SLC35F1: variants seen among roughly 807,000 people sequenced by gnomAD.
SLC35F1 encodes chromosome 6 open reading frame 169.
In SLC35F1, 14 loss-of-function variants were observed where a neutral mutation model predicts 48.7. The ratio of observed to expected loss-of-function variants is 0.29; its 90% confidence interval spans 0.19 to 0.45. SLC35F1 has a LOEUF of 0.45. Among genes scored for constraint, SLC35F1 ranks in the 20% least tolerant of loss-of-function variants. SLC35F1 has a pLI of 1.00. For synonymous variants in SLC35F1, 190 were observed against 202.2 expected (o/e 0.94, Z 0.51); for missense variants, 404 against 500.0 (o/e 0.81, Z 1.83).
chr6:117,962,921 T>C (rs764361018), intron 1 of SLC35F1, among the ~76,000 whole-genome samples: 5 of 152,178 alleles, frequency 3.3e-5, no homozygotes, highest in South Asian at 2.1e-4. Flanking sequence ...ACCTGAGACA[T>C]TGGGGCTCAG....
intron 1 of SLC35F1, among the ~76,000 whole-genome samples, chr6:117,953,872 A>G (rs577985051): frequency 1.3e-5 from 2 of 152,136 alleles, no homozygotes; most frequent in Non-Finnish European, 2.9e-5. Context: ...TAAAACTGGG[A>G]TCATTTTGAG....
At chr6:118,053,726 T>C (rs1011265953) in intron 1 of SLC35F1, among the ~76,000 whole-genome samples, 2 of 152,182 alleles carry the variant, frequency 1.3e-5, no homozygotes, top group Non-Finnish European at 2.9e-5. Context: ...TACTTAAACA[T>C]TTCCCTCTTT....
intron 1 of SLC35F1, among the ~76,000 whole-genome samples, chr6:118,102,366 T>A (rs1047509185): frequency 6.6e-6 from 1 of 152,174 alleles, no homozygotes; most frequent in African/African-American, 2.4e-5. Context: ...AAATTTTTTT[T>A]AGAGACAGGT....
intron 2 of SLC35F1, among the ~76,000 whole-genome samples, chr6:118,224,185 A>T (rs1160502285): frequency 6.6e-6 from 1 of 152,180 alleles, no homozygotes; most frequent in Non-Finnish European, 1.5e-5. Flanking sequence ...GCTTTGAAAA[A>T]TTTCAAATCA....
intron 7 of SLC35F1, among the ~76,000 whole-genome samples, chr6:118,304,678 G>A (rs1472811590): frequency 6.6e-6 from 1 of 152,218 alleles, no homozygotes; most frequent in East Asian, 1.9e-4. Context: ...ACTGACATTT[G>A]TTTAACATTT....
chr6:117,943,317 A>G (rs72957824), intron 1 of SLC35F1, among the ~76,000 whole-genome samples: 5,955 of 152,296 alleles, frequency 0.039, 177 homozygotes, highest in Non-Finnish European at 0.057. Flanking sequence ...AAGGTCTCCA[A>G]TGAAGCCCTA....
chr6:118,116,844 A>G (rs987920376), intron 1 of SLC35F1, among the ~76,000 whole-genome samples: 4 of 152,196 alleles, frequency 2.6e-5, no homozygotes, highest in Non-Finnish European at 5.9e-5. Context: ...ATTTAATCAA[A>G]TAATAGAAGC....
chr6:118,059,548 A>T (rs1772507722), intron 1 of SLC35F1, among the ~76,000 whole-genome samples: 1 of 152,196 alleles, frequency 6.6e-6, no homozygotes, highest in Non-Finnish European at 1.5e-5. Context: ...AGTGGCTTAC[A>T]ATAACCATGT....
At chr6:117,954,687 T>A (rs1389715612) in intron 1 of SLC35F1, among the ~76,000 whole-genome samples, 1 of 152,244 alleles carries the variant, frequency 6.6e-6, no homozygotes, top group African/African-American at 2.4e-5. Flanking sequence ...TTTGTTCTAC[T>A]GCATCCTAAC....
At chr6:118,088,395 G>A (rs1773022726) in intron 1 of SLC35F1, among the ~76,000 whole-genome samples, 1 of 152,082 alleles carries the variant, frequency 6.6e-6, no homozygotes, top group African/African-American at 2.4e-5. Flanking sequence ...AGGTATGCAG[G>A]GTTGCCATCT....
intron 2 of SLC35F1, among the ~76,000 whole-genome samples, chr6:118,233,465 T>C (rs1268019769): frequency 1.3e-5 from 2 of 152,226 alleles, no homozygotes; most frequent in Admixed American, 6.5e-5. Context: ...AGCCTTCTCA[T>C]GTGCAAAACC....
intron 1 of SLC35F1, among the ~76,000 whole-genome samples, chr6:117,914,439 G>A (rs1305336697): frequency 1.3e-5 from 2 of 152,176 alleles, no homozygotes; most frequent in African/African-American, 4.8e-5. Context: ...GCTACAATTT[G>A]TGATCATATC....
At chr6:117,920,831 A>G (rs900615684) in intron 1 of SLC35F1, among the ~76,000 whole-genome samples, 1 of 152,146 alleles carries the variant, frequency 6.6e-6, no homozygotes, top group African/African-American at 2.4e-5. Context: ...ATAAGTTCCC[A>G]GATAAAATAG....
rs1776435747 is a variant in SLC35F1 at position 118,316,217 on chromosome 6, C to T, written c.*1965C>T. ...CTTCTATAACGGGTAAGTGGACCTA[C>T]CCTTGGAGATAGAGAAGAAAAATTA... On this transcript the variant is annotated 3_prime_UTR_variant, in exon 8 of 8. Transcript: ENST00000360388. 1 of 152,214 alleles carries T rather than the reference C, an allele frequency of 6.6e-6. No homozygotes were observed. Among genetic ancestry groups the T allele is most frequent in the African/African-American group, 2.4e-5 (1 of 41,436 alleles). The allele number at this position is 152,214 out of a possible 1,614,324, so 9.4% of individuals were successfully genotyped here.
At chr6:117,921,583 A>C (rs1464285402) in intron 1 of SLC35F1, among the ~76,000 whole-genome samples, 4 of 152,206 alleles carry the variant, frequency 2.6e-5, no homozygotes, top group Non-Finnish European at 5.9e-5. Context: ...TTTTGGATTC[A>C]CCTTCCTTAG....
chr6:118,136,350 A>G (rs1773795007), intron 1 of SLC35F1, among the ~76,000 whole-genome samples: 1 of 152,248 alleles, frequency 6.6e-6, no homozygotes. Flanking sequence ...TTGTCCCTAC[A>G]GTGCTGAAAC....
At chr6:118,182,908 A>G (rs1192501011) in intron 2 of SLC35F1, among the ~76,000 whole-genome samples, 2 of 152,154 alleles carry the variant, frequency 1.3e-5, no homozygotes, top group South Asian at 2.1e-4. Flanking sequence ...TGTTTTCAAA[A>G]CCAAATTTAA....
chr6:118,306,932 G>A (rs1461863803), intron 7 of SLC35F1, among the ~76,000 whole-genome samples: 1 of 152,194 alleles, frequency 6.6e-6, no homozygotes, highest in Non-Finnish European at 1.5e-5. Flanking sequence ...ATTGGCCTTA[G>A]ATGTGATTGG....
chr6:118,211,670 A>G (rs1326970329), intron 2 of SLC35F1, among the ~76,000 whole-genome samples: 2 of 152,236 alleles, frequency 1.3e-5, no homozygotes, highest in African/African-American at 2.4e-5. Context: ...CATGCTGACT[A>G]TAGCATTTTA....
Sources: gnomAD v4.1 joint callset for allele counts (sites outside exome capture counted in the v4.1 genomes callset) on GRCh38, gnomAD v4.1.1 for gene constraint, MANE v1.5 for transcripts, NCBI Gene and HGNC (gene_info 2026-07-23, HGNC 2026-07-21) for gene names.